USH2A: variants seen among roughly 807,000 people sequenced by gnomAD.
USH2A encodes the protein usherin, also known as Usher syndrome 2A (autosomal recessive, mild).
In USH2A, 443 loss-of-function variants were observed where a neutral mutation model predicts 538.9. The observed-to-expected ratio is 0.82, with a 90% CI of 0.76 to 0.89. The LOEUF is 0.89. Ranked by LOEUF, USH2A falls within the 40% of genes least tolerant of loss-of-function variation. The pLI, the probability that USH2A is intolerant of heterozygous loss-of-function variation, is 0.00. For synonymous variants in USH2A, 2,413 were observed against 2,273.5 expected (o/e 1.06, Z -1.75); for missense variants, 6,633 against 6,324.8 (o/e 1.05, Z -1.65).
intron 43 of USH2A, among the ~76,000 whole-genome samples, chr1:215,871,419 C>T (rs917110925): frequency 1.3e-5 from 2 of 152,130 alleles, no homozygotes; most frequent in Admixed American, 6.5e-5. Context: ...TATTTAAGCA[C>T]TCAGTCTCAA....
intron 61 of USH2A, among the ~76,000 whole-genome samples, chr1:215,727,726 A>G (rs527570277): frequency 2.1e-5 from 2 of 95,270 alleles, no homozygotes; most frequent in East Asian, 4.4e-4. Context: ...GCCTGTCTCA[A>G]AAAAAAAATA....
intron 9 of USH2A, among the ~76,000 whole-genome samples, chr1:216,301,358 T>C (rs1057021476): frequency 1.3e-5 from 2 of 152,126 alleles, no homozygotes; most frequent in Non-Finnish European, 2.9e-5. Flanking sequence ...CAATGAGTCA[T>C]CGAAAACAAC....
chr1:216,088,357 C>G (rs1287094435), intron 23 of USH2A, among the ~76,000 whole-genome samples: 1 of 152,114 alleles, frequency 6.6e-6, no homozygotes, highest in Non-Finnish European at 1.5e-5. Flanking sequence ...TTTGCTGCCC[C>G]ATTCCTCCCA....
intron 61 of USH2A, among the ~76,000 whole-genome samples, chr1:215,694,528 A>G (rs111831815): frequency 6.6e-6 from 1 of 152,214 alleles, no homozygotes; most frequent in South Asian, 2.1e-4. Flanking sequence ...AGCCGAGATC[A>G]CGCCACTGCA....
chr1:215,629,679 G>A (rs1334487883), intron 70 of USH2A, among the ~76,000 whole-genome samples: 1 of 151,754 alleles, frequency 6.6e-6, no homozygotes, highest in Non-Finnish European at 1.5e-5. Flanking sequence ...GACCTAGAAC[G>A]CGCCGTAAGA....
chr1:216,108,748 T>C (rs548785560), intron 21 of USH2A, among the ~76,000 whole-genome samples: 86 of 152,220 alleles, frequency 5.6e-4, no homozygotes, highest in African/African-American at 2.0e-3. Context: ...ACTTATCCAA[T>C]AAAGTTTTTA....
In USH2A at chr1:216,306,823, G is replaced by A. The variant is rs187859795; in HGVS notation, c.1645-14453C>T. 2.6e-3 allele frequency among the ~76,000 whole-genome samples: 390 copies of A among 152,240 alleles called. 2 individuals carry two copies. The highest frequency in any genetic ancestry group is 8.9e-3 in the African/African-American group (368 of 41,538). On this transcript the variant is annotated intron_variant, in intron 9 of 71. Coordinates refer to ENST00000307340, the MANE Select transcript of USH2A (RefSeq NM_206933.4). ...CTCTTCTGGATCTAGCCACCCAGTGGAGCTAGCAGCCTCCAGACTGGTAGT... is the reference window on the plus strand; with the variant it reads ...CTCTTCTGGATCTAGCCACCCAGTGAAGCTAGCAGCCTCCAGACTGGTAGT...
intron 71 of USH2A, among the ~76,000 whole-genome samples, chr1:215,626,935 G>A (rs1656046852): frequency 6.6e-6 from 1 of 152,098 alleles, no homozygotes; most frequent in Non-Finnish European, 1.5e-5. Context: ...TGATCAGTTA[G>A]CAATTCATTG....
chr1:216,152,426 CA>C (rs2033855628), intron 21 of USH2A, among the ~76,000 whole-genome samples: 2 of 89,158 alleles, frequency 2.2e-5, no homozygotes, highest in East Asian at 5.4e-4. Context: ...CATCCTGGCT[CA>C]AAAATCACCC....
rs961123367 is a variant in USH2A at position 215,630,970 on chromosome 1, C to T, written c.15298-1935G>A. ...TGCAGGGAATGAAAGGATCTTCAAACCAGTAATTAAATAACAAGCAAAACT... is the reference window on the plus strand; with the variant it reads ...TGCAGGGAATGAAAGGATCTTCAAATCAGTAATTAAATAACAAGCAAAACT... On this transcript the variant is annotated intron_variant, in intron 70 of 71. Coordinates refer to ENST00000307340, the MANE Select transcript of USH2A (RefSeq NM_206933.4). Among the ~76,000 whole-genome samples the T allele has an allele frequency of 2.6e-5, 4 of 151,972 alleles. No homozygotes were observed. The South Asian group carries it at 8.3e-4, about 32-fold the overall frequency.
At chr1:215,791,794 C>T (rs575280278) in intron 50 of USH2A, among the ~76,000 whole-genome samples, 1 of 151,474 alleles carries the variant, frequency 6.6e-6, no homozygotes, top group Non-Finnish European at 1.5e-5. Flanking sequence ...AAGTACATAC[C>T]CAAATACACA....
At chr1:216,231,292 C>CAGAGAGAG (rs371376479) in intron 14 of USH2A, among the ~76,000 whole-genome samples, 137 of 56,688 alleles carry the variant, frequency 2.4e-3, no homozygotes, top group African/African-American at 8.9e-3. Flanking sequence ...CACAGAGAGA[C>CAGAGAGAG]AGAGAGAGAG....
intron 64 of USH2A, among the ~76,000 whole-genome samples, chr1:215,654,286 C>T (rs1049426434): frequency 7.9e-5 from 12 of 152,160 alleles, no homozygotes; most frequent in Non-Finnish European, 1.3e-4. Flanking sequence ...TCATCATTTA[C>T]ATTAGGTATG....
chr1:216,232,217 A>G, intron 13 of USH2A, 81 bp from the exon 14 acceptor site: 1 of 1,434,112 alleles, frequency 7.0e-7, no homozygotes, highest in Non-Finnish European at 9.5e-7. Flanking sequence ...ATTACACAGA[A>G]AAACAGAATA....
intron 35 of USH2A, among the ~76,000 whole-genome samples, chr1:215,980,431 C>A (rs897605866): frequency 6.6e-6 from 1 of 152,034 alleles, no homozygotes; most frequent in African/African-American, 2.4e-5. Context: ...TTAAAAATCA[C>A]GTAATAAAAC....
intron 70 of USH2A, among the ~76,000 whole-genome samples, chr1:215,629,670 ACC>A (rs1656192188): frequency 6.6e-6 from 1 of 151,992 alleles, no homozygotes; most frequent in African/African-American, 2.4e-5. Flanking sequence ...CATAATTTAG[ACC>A]TAGAACGCGC....
At chr1:215,831,614 G>T (rs755704226) in intron 47 of USH2A, among the ~76,000 whole-genome samples, 4 of 152,032 alleles carry the variant, frequency 2.6e-5, no homozygotes, top group Admixed American at 2.6e-4. Context: ...TAATCCATGG[G>T]TTAAAGAAGT....
chr1:216,356,178 A>G (rs1571735244), intron 4 of USH2A, among the ~76,000 whole-genome samples: 1 of 152,080 alleles, frequency 6.6e-6, no homozygotes, highest in Admixed American at 6.6e-5. Flanking sequence ...TAATAATTGT[A>G]TGTACAATGA....
intron 9 of USH2A, among the ~76,000 whole-genome samples, chr1:216,293,538 T>G (rs1164777476): frequency 6.6e-6 from 1 of 152,250 alleles, no homozygotes; most frequent in African/African-American, 2.4e-5. Flanking sequence ...TAAGTAGCTC[T>G]GGCTACGTAT....
Sources: gnomAD v4.1 joint callset for allele counts (sites outside exome capture counted in the v4.1 genomes callset) on GRCh38, gnomAD v4.1.1 for gene constraint, MANE v1.5 for transcripts, NCBI Gene and HGNC (gene_info 2026-07-23, HGNC 2026-07-21) for gene names.